EML1: variants seen among roughly 807,000 people sequenced by gnomAD.
EML1 encodes the protein echinoderm microtubule-associated protein-like 1.
Under a neutral mutation model 110.4 loss-of-function variants are expected in EML1, and 27 were observed. The ratio of observed to expected loss-of-function variants is 0.24; its 90% confidence interval spans 0.18 to 0.34. The LOEUF (loss-of-function observed/expected upper bound fraction) is 0.34, where lower values mean the gene tolerates loss of function less well. EML1 is among the 10% of genes least tolerant of loss of function. EML1 has a pLI of 1.00. For synonymous variants in EML1, 344 were observed against 385.8 expected (o/e 0.89, Z 1.27); for missense variants, 741 against 1,030.9 (o/e 0.72, Z 3.85).
rs977392558 is a variant in EML1, at chr14:99,804,202, G to T, written c.67+10659G>T. ...TTAATTATATAAAAATACGTGTTCA[G>T]ATTGCATCTTGTACTTAATTATATC... is the stretch of plus-strand genomic sequence containing the variant. On this transcript the variant is annotated intron_variant, in intron 1 of 21. Coordinates refer to ENST00000262233, the MANE Select transcript of EML1 (RefSeq NM_004434.3). Among the ~76,000 whole-genome samples the T allele has an allele frequency of 3.3e-5, 5 of 152,162 alleles. No homozygotes were observed. In the South Asian group the frequency reaches 6.2e-4, roughly 19 times the overall value.
At chr14:99,925,864 C>T (rs1303741804) in intron 17 of EML1, among the ~76,000 whole-genome samples, 1 of 152,188 alleles carries the variant, frequency 6.6e-6, no homozygotes. Flanking sequence ...ACCGTAACCT[C>T]AAGCCAGTAG....
chr14:99,873,958 C>A (rs1382677460), intron 3 of EML1, among the ~76,000 whole-genome samples: 2 of 152,214 alleles, frequency 1.3e-5, no homozygotes, highest in African/African-American at 4.8e-5. Flanking sequence ...GTCGCCCCAG[C>A]TGTCAGGACA....
intron 7 of EML1, 152 bp from the exon 8 acceptor site, chr14:99,898,081 G>A (rs752299329): frequency 3.7e-5 from 19 of 514,762 alleles, no homozygotes; most frequent in East Asian, 6.4e-5. Flanking sequence ...GTTGTCTAAC[G>A]TCGTGGTGCT....
intron 4 of EML1, among the ~76,000 whole-genome samples, chr14:99,879,061 T>C (rs2059342773): frequency 6.6e-6 from 1 of 152,232 alleles, no homozygotes; most frequent in Admixed American, 6.5e-5. Context: ...TTATGATTTA[T>C]CAGAGGCTAT....
chr14:99,910,183 G>T, intron 11 of EML1, 59 bp from the exon 12 acceptor site: 1 of 1,243,250 alleles, frequency 8.0e-7, no homozygotes, highest in Non-Finnish European at 1.1e-6. Flanking sequence ...AGGTTGTCTG[G>T]AATATATATA....
intron 7 of EML1, 126 bp from the exon 8 acceptor site, chr14:99,898,107 G>C: frequency 1.6e-6 from 1 of 630,422 alleles, no homozygotes; most frequent in Non-Finnish European, 2.5e-6. Context: ...AATTTGTCAT[G>C]AGTCTGTAAG....
chr14:99,841,227 C>T (rs1411355214), intron 1 of EML1, among the ~76,000 whole-genome samples: 1 of 152,158 alleles, frequency 6.6e-6, no homozygotes, highest in Non-Finnish European at 1.5e-5. Flanking sequence ...CAGAGAGAGA[C>T]CTGCACAGTA....
At chr14:99,928,368 C>G (rs771032316) in intron 17 of EML1, among the ~76,000 whole-genome samples, 1 of 151,644 alleles carries the variant, frequency 6.6e-6, no homozygotes, top group Non-Finnish European at 1.5e-5. Context: ...ACCTCAGGAG[C>G]CTTTAGTACT....
chr14:99,872,631 T>C (rs928033316), intron 3 of EML1, among the ~76,000 whole-genome samples: 5 of 152,224 alleles, frequency 3.3e-5, no homozygotes, highest in African/African-American at 1.2e-4. Flanking sequence ...CTTCGGTGGA[T>C]GGGACTTCCC....
intron 1 of EML1, among the ~76,000 whole-genome samples, chr14:99,755,352 CA>C (rs2057236990): frequency 6.6e-6 from 1 of 152,214 alleles, no homozygotes; most frequent in Non-Finnish European, 1.5e-5. Context: ...GCCAGAGAGT[CA>C]GGGGTCTCTG....
At chr14:99,870,644 C>T (rs572235695) in intron 3 of EML1, among the ~76,000 whole-genome samples, 2 of 152,344 alleles carry the variant, frequency 1.3e-5, no homozygotes, top group African/African-American at 4.8e-5. Flanking sequence ...GTTCATTTAT[C>T]ATTCCAAAAA....
chr14:99,779,745 GATCATTCAGCATCAGGCT>G (rs1173188958), intron 1 of EML1, among the ~76,000 whole-genome samples: 4 of 152,228 alleles, frequency 2.6e-5, no homozygotes, highest in African/African-American at 9.7e-5. Context: ...GGTGAGGTCT[GATCATTCAGCATCAGGCT>G]ATCATTTATT....
chr14:99,856,276 C>G (rs968285674), intron 2 of EML1, among the ~76,000 whole-genome samples: 2 of 152,246 alleles, frequency 1.3e-5, no homozygotes, highest in African/African-American at 4.8e-5. Flanking sequence ...TAGCATTATT[C>G]ACATTAAACC....
At chr14:99,737,833 A>C (rs933055356) in exon 1 of EML1, 1 of 1,289,094 alleles carries the variant, frequency 7.8e-7, no homozygotes, top group East Asian at 5.6e-5. Context: ...CTTCCACACC[A>C]TGTCGGACGG....
chr14:99,940,292 T>C lies in EML1; in HGVS notation c.*180T>C, dbSNP rs2060566790. Reference sequence around the variant, plus strand: ...GCGCCACAGCGGATCAGCGGTTCCGTGTTCACTTTTGTTGTACAATATATG... The same window carrying C: ...GCGCCACAGCGGATCAGCGGTTCCGCGTTCACTTTTGTTGTACAATATATG... On this transcript the variant is annotated 3_prime_UTR_variant, in exon 22 of 22. Coordinates refer to ENST00000262233, the MANE Select transcript of EML1 (RefSeq NM_004434.3). 1.3e-6 allele frequency: 1 copy of C among 749,940 alleles called. No individual in the cohort carries two copies. Among genetic ancestry groups the C allele is most frequent in the South Asian group, 3.1e-5 (1 of 31,840 alleles). 46.5% of individuals were successfully genotyped at this position (749,940 alleles called of 1,614,324 possible).
chr14:99,791,500 C>T (rs987051214), upstream of EML1, among the ~76,000 whole-genome samples: 1 of 152,240 alleles, frequency 6.6e-6, no homozygotes, highest in Non-Finnish European at 1.5e-5. Flanking sequence ...TCATCTACAA[C>T]CCCTTTGCTG....
At position 99,924,503 on chromosome 14, in the gene EML1, A is replaced by T. The variant is rs373305519; in HGVS notation, c.1909+3626A>T. On this transcript the variant is annotated intron_variant, in intron 17 of 21. Transcript: ENST00000262233. ...ATTAATGACAATAATAATAAAGTAG[A>T]ACAATATAACAATATATTGTAATAA... Among the ~76,000 whole-genome samples the T allele has an allele frequency of 7.9e-5, 12 of 152,344 alleles. No homozygotes were observed. The South Asian group carries it at 2.5e-3, about 32-fold the overall frequency.
At chr14:99,868,753 AC>A (rs1164963828) in intron 3 of EML1, among the ~76,000 whole-genome samples, 3 of 152,034 alleles carry the variant, frequency 2.0e-5, no homozygotes, top group Non-Finnish European at 4.4e-5. Flanking sequence ...TTTAAAAAAA[AC>A]AATTCTTGGT....
At chr14:99,804,971 G>A (rs1427888333) in intron 1 of EML1, among the ~76,000 whole-genome samples, 1 of 152,152 alleles carries the variant, frequency 6.6e-6, no homozygotes, top group Non-Finnish European at 1.5e-5. Context: ...GGTAGCTTCT[G>A]AAGGTGCCAG....
Sources: gnomAD v4.1 joint callset for allele counts (sites outside exome capture counted in the v4.1 genomes callset) on GRCh38, gnomAD v4.1.1 for gene constraint, MANE v1.5 for transcripts, NCBI Gene and HGNC (gene_info 2026-07-23, HGNC 2026-07-21) for gene names.